Variants in ANKS1B observed in about 807,000 individuals in gnomAD.
The protein encoded by ANKS1B is ankyrin repeat and sterile alpha motif domain containing 1B.
In ANKS1B, 36 loss-of-function variants were observed where a neutral mutation model predicts 148.3. That is an observed-to-expected ratio of 0.24 (90% CI 0.19 to 0.32). ANKS1B has a LOEUF of 0.32. Among genes scored for constraint, ANKS1B ranks in the 10% least tolerant of loss-of-function variants. The pLI is 1.00. For missense variants in ANKS1B, 1,157 were observed against 1,542.6 expected (o/e 0.75, Z 4.19); for synonymous variants, 542 against 560.8 (o/e 0.97, Z 0.47).
intron 9 of ANKS1B, among the ~76,000 whole-genome samples, chr12:99,590,252 ACC>A (rs774301440): frequency 2.6e-4 from 33 of 127,856 alleles, no homozygotes; most frequent in African/African-American, 6.0e-4. Flanking sequence ...TCACACCCAC[ACC>A]CACCCACACA....
chr12:99,042,753 A>C (rs75838953), intron 17 of ANKS1B, among the ~76,000 whole-genome samples: 4,696 of 152,320 alleles, frequency 0.031, 258 homozygotes, highest in African/African-American at 0.11. Context: ...GCAGACAGAT[A>C]TAATGCTATT....
In ANKS1B at chr12:99,403,872, AC is replaced by A. The variant is rs1324028782; in HGVS notation, c.1576-4062del. On this transcript the variant is annotated intron_variant, in intron 11 of 26. Coordinates refer to ENST00000683438, the MANE Select transcript of ANKS1B (RefSeq NM_001352186.2). ...CATTCTGTCATAAAGACACATACAC[AC>A]ATATGTTCACTGCAGCACTATTCAC... Among the ~76,000 whole-genome samples, 6 of 146,294 alleles carry A rather than the reference AC, an allele frequency of 4.1e-5. 2 individuals are homozygous for A. The highest frequency in any genetic ancestry group is 9.1e-5 in the Non-Finnish European group (6 of 66,254).
At chr12:99,535,250 A>G (rs1596517947) in intron 9 of ANKS1B, among the ~76,000 whole-genome samples, 1 of 152,202 alleles carries the variant, frequency 6.6e-6, no homozygotes, top group African/African-American at 2.4e-5. Flanking sequence ...TGCAAAGCAG[A>G]TCAGCAATAT....
intron 17 of ANKS1B, among the ~76,000 whole-genome samples, chr12:98,838,516 G>A (rs143624155): frequency 3.9e-4 from 59 of 152,312 alleles, no homozygotes; most frequent in African/African-American, 1.3e-3. Flanking sequence ...AGCACATGTA[G>A]CTGGAATTCT....
chr12:99,385,610 G>T (rs2093828798), intron 12 of ANKS1B, among the ~76,000 whole-genome samples: 1 of 152,128 alleles, frequency 6.6e-6, no homozygotes, highest in African/African-American at 2.4e-5. Flanking sequence ...CAACCTCAGG[G>T]AACAAACATG....
chr12:99,661,775 T>C (rs1251127018), intron 8 of ANKS1B, among the ~76,000 whole-genome samples: 1 of 152,232 alleles, frequency 6.6e-6, no homozygotes, highest in Non-Finnish European at 1.5e-5. Flanking sequence ...TGGGCACATG[T>C]ATTCTTTGAA....
intron 1 of ANKS1B, among the ~76,000 whole-genome samples, chr12:99,901,698 G>A (rs1461233213): frequency 6.6e-6 from 1 of 152,182 alleles, no homozygotes; most frequent in Non-Finnish European, 1.5e-5. Flanking sequence ...TAAGACTGCT[G>A]ATGCCAACAT....
At position 99,061,417 on chromosome 12, in the gene ANKS1B, C is replaced by T. The variant is rs760186001; in HGVS notation, c.2626-8108G>A. On this transcript the variant is annotated intron_variant, in intron 16 of 26. Coordinates refer to ENST00000683438, the MANE Select transcript of ANKS1B (RefSeq NM_001352186.2). ...TCATGCAGAGAATCTTATTAGCAGA[C>T]GATTCTAATTCCGTTATTTGGAGGG... 7.9e-5 allele frequency among the ~76,000 whole-genome samples: 12 copies of T among 152,114 alleles called. No homozygotes were observed. The East Asian group carries it at 9.6e-4, about 12-fold the overall frequency.
intron 15 of ANKS1B, among the ~76,000 whole-genome samples, chr12:99,089,607 G>C (rs993961704): frequency 6.6e-6 from 1 of 152,054 alleles, no homozygotes; most frequent in Non-Finnish European, 1.5e-5. Context: ...TCAAATCAGG[G>C]ACTCAAAAAT....
At chr12:99,152,903 T>C (rs1371774472) in intron 15 of ANKS1B, among the ~76,000 whole-genome samples, 2 of 152,170 alleles carry the variant, frequency 1.3e-5, no homozygotes, top group African/African-American at 4.8e-5. Flanking sequence ...CTGCCCAGTG[T>C]TCTAAGACTT....
intron 12 of ANKS1B, among the ~76,000 whole-genome samples, chr12:99,372,048 T>C (rs1246469855): frequency 6.6e-6 from 1 of 152,138 alleles, no homozygotes; most frequent in East Asian, 1.9e-4. Flanking sequence ...ACCACAATGA[T>C]GGATACATGT....
intron 9 of ANKS1B, chr12:99,648,888 C>T: frequency 6.9e-7 from 1 of 1,448,530 alleles, no homozygotes. Context: ...CTGGGAAATG[C>T]ATTGCATTTG....
chr12:99,954,650 G>A, intron 1 of ANKS1B, among the ~76,000 whole-genome samples: 1 of 152,154 alleles, frequency 6.6e-6, no homozygotes, highest in East Asian at 1.9e-4. Context: ...GCAGCCACTT[G>A]ATTCATTTAC....
chr12:99,429,836 C>A (rs920591587), intron 11 of ANKS1B, among the ~76,000 whole-genome samples: 1 of 151,916 alleles, frequency 6.6e-6, no homozygotes. Context: ...TGGTGGCAGG[C>A]GCCTGTGGTC....
intron 25 of ANKS1B, among the ~76,000 whole-genome samples, chr12:98,766,892 G>A (rs1266497363): frequency 1.3e-5 from 2 of 151,824 alleles, no homozygotes; most frequent in African/African-American, 4.8e-5. Context: ...ACAGCTCAGT[G>A]TCTCCTAGGC....
intron 1 of ANKS1B, among the ~76,000 whole-genome samples, chr12:99,860,812 A>G (rs2089928019): frequency 6.6e-6 from 1 of 152,210 alleles, no homozygotes; most frequent in Admixed American, 6.5e-5. Flanking sequence ...ACTGAAGAGT[A>G]TAATAAACTC....
At chr12:98,757,911 G>T (rs1006719449) in intron 25 of ANKS1B, among the ~76,000 whole-genome samples, 1 of 132,314 alleles carries the variant, frequency 7.6e-6, no homozygotes, top group African/African-American at 2.8e-5. Context: ...CAGTGAAAGA[G>T]AGCTGCATGT....
chr12:99,172,929 A>G (rs1255453084), intron 14 of ANKS1B, among the ~76,000 whole-genome samples: 1 of 152,158 alleles, frequency 6.6e-6, no homozygotes, highest in Non-Finnish European at 1.5e-5. Flanking sequence ...ATTTACCTAT[A>G]ATAACCATAA....
intron 1 of ANKS1B, among the ~76,000 whole-genome samples, chr12:99,952,753 TAGGG>T (rs2095250180): frequency 6.6e-6 from 1 of 152,242 alleles, no homozygotes; most frequent in African/African-American, 2.4e-5. Context: ...GTCTTTTCTA[TAGGG>T]ACTTCAGAAA....
Sources: gnomAD v4.1 joint callset for allele counts (sites outside exome capture counted in the v4.1 genomes callset) on GRCh38, gnomAD v4.1.1 for gene constraint, MANE v1.5 for transcripts, NCBI Gene and HGNC (gene_info 2026-07-23, HGNC 2026-07-21) for gene names.